Variants in ACOD1 observed in about 807,000 individuals in gnomAD.
ACOD1 encodes the protein aconitate decarboxylase 1, also known as cis-aconitate decarboxylase.
Under a neutral mutation model 14.2 loss-of-function variants are expected in ACOD1, and 14 were observed. The observed-to-expected ratio is 0.99, with a 90% CI of 0.65 to 1.54. The LOEUF (loss-of-function observed/expected upper bound fraction) is 1.54, where lower values mean the gene tolerates loss of function less well. Ranked by LOEUF, ACOD1 falls within the 40% of genes most tolerant of loss-of-function variation. ACOD1 has a pLI of 0.00. For synonymous variants in ACOD1, 182 were observed against 221.7 expected (o/e 0.82, Z 1.59); for missense variants, 530 against 586.3 (o/e 0.90, Z 0.99).
chr13:76,956,982 T>A, intron 4 of ACOD1, 28 bp from the exon 5 acceptor site: 1 of 1,527,816 alleles, frequency 6.5e-7, no homozygotes, highest in African/African-American at 1.4e-5. Flanking sequence ...GGTTTGTACA[T>A]CTCCAACTCT....
chr13:76,949,437 T>C (rs1387450004), intron 1 of ACOD1, among the ~76,000 whole-genome samples: 3 of 152,096 alleles, frequency 2.0e-5, no homozygotes, highest in Non-Finnish European at 2.9e-5. Context: ...TGAGCAGCTG[T>C]GTGTTTATTC....
intron 1 of ACOD1, among the ~76,000 whole-genome samples, chr13:76,949,158 T>G (rs542832142): frequency 3.9e-4 from 59 of 152,072 alleles, no homozygotes; most frequent in Admixed American, 1.7e-3. Flanking sequence ...TCCCAGCTAC[T>G]CGGGAGGCTG....
intron 1 of ACOD1, among the ~76,000 whole-genome samples, chr13:76,950,276 T>C (rs759649439): frequency 3.3e-5 from 5 of 152,166 alleles, no homozygotes; most frequent in Non-Finnish European, 7.3e-5. Flanking sequence ...ACAAATTAAG[T>C]TGTGCAATGA....
Position 76,957,865 on chromosome 13 carries a change from CA to C in ACOD1, c.1331del (p.Asn444IlefsTer2). ...CAGTGGAAAGCCTTATAAAGATAGT[CA>C]AAAATCTAGAAGACCTAGAAGACTG... ...DTVESLIKIV[K>X]NLEDLEDCSV... On this transcript the variant is annotated frameshift_variant, in exon 5 of 5. Transcript: ENST00000377462. LOFTEE classifies it low-confidence loss of function (END_TRUNC). The C allele has an allele frequency of 6.4e-7, 1 of 1,551,018 alleles. No individual in the cohort carries two copies. Among genetic ancestry groups the C allele is most frequent in the Non-Finnish European group, 8.7e-7 (1 of 1,147,090 alleles).
At chr13:76,954,258 A>G (rs1437573232) in intron 3 of ACOD1, among the ~76,000 whole-genome samples, 1 of 152,206 alleles carries the variant, frequency 6.6e-6, no homozygotes, top group Non-Finnish European at 1.5e-5. Flanking sequence ...TATTTTTATG[A>G]TTTATGGGTA....
intron 1 of ACOD1, among the ~76,000 whole-genome samples, chr13:76,951,397 G>A (rs915712731): frequency 4.3e-4 from 65 of 152,030 alleles, no homozygotes; most frequent in African/African-American, 1.4e-3. Flanking sequence ...CACCACACCC[G>A]GCTAATTTTT....
chr13:76,958,226 A>G lies in ACOD1; in HGVS notation c.*241A>G, dbSNP rs1207278769. 2 of 427,944 alleles carry G rather than the reference A, an allele frequency of 4.7e-6. No individual in the cohort carries two copies. Among genetic ancestry groups the G allele is most frequent in the Non-Finnish European group, 8.3e-6 (2 of 242,086 alleles). 26.5% of individuals were successfully genotyped at this position (427,944 alleles called of 1,614,324 possible). On this transcript the variant is annotated 3_prime_UTR_variant, in exon 5 of 5. Transcript: ENST00000377462. Reference sequence around the variant, plus strand: ...GTTTGTAAGCATTCACAAGGGTGAAATTCAACTCACCTGTGATTTACTTAT... The same window carrying G: ...GTTTGTAAGCATTCACAAGGGTGAAGTTCAACTCACCTGTGATTTACTTAT...
At chr13:76,951,964 C>T (rs911254841) in intron 1 of ACOD1, among the ~76,000 whole-genome samples, 1 of 152,170 alleles carries the variant, frequency 6.6e-6, no homozygotes, top group African/African-American at 2.4e-5. Context: ...GTTCAGATTC[C>T]ACCACCTAAA....
At chr13:76,949,031 C>T (rs936264232) in intron 1 of ACOD1, among the ~76,000 whole-genome samples, 30 of 152,026 alleles carry the variant, frequency 2.0e-4, no homozygotes, top group African/African-American at 7.2e-4. Flanking sequence ...TTTGGGAGGC[C>T]GAGGCGGATG....
At position 76,957,009 on chromosome 13, in the gene ACOD1, G is replaced by A; in HGVS notation, c.471-1G>A. On this transcript the variant is annotated splice_acceptor_variant, in intron 4 of 4. Coordinates refer to ENST00000377462, the MANE Select transcript of ACOD1 (RefSeq NM_001258406.2). LOFTEE classifies it high-confidence loss of function. ...TCCAACTCTGCTTCTTTGCTTTTCA[G>A]ATTCCATCCCCCTTCCGTGGTAGGA... 1 of 1,543,526 alleles carries A rather than the reference G, an allele frequency of 6.5e-7. No homozygotes were observed. The highest frequency in any genetic ancestry group is 8.7e-7 in the Non-Finnish European group (1 of 1,142,918).
rs2033897915 is a variant in ACOD1, at chr13:76,957,976, T to A, written c.1437T>A (p.Asn479Lys). 5 of 1,525,480 alleles carry A rather than the reference T, an allele frequency of 3.3e-6. No homozygotes were observed. Among genetic ancestry groups the A allele is most frequent in the Non-Finnish European group, 4.4e-6 (5 of 1,138,442 alleles). 94.5% of individuals were successfully genotyped at this position (1,525,480 alleles called of 1,614,324 possible). Residue 479 changes from asparagine to lysine, a missense_variant, in exon 5 of 5, where the codon AAT becomes AAA. Asn to Lys is a moderately conservative substitution (Grantham distance 94). Coordinates refer to ENST00000377462, the MANE Select transcript of ACOD1 (RefSeq NM_001258406.2). The stretch of plus-strand genomic sequence containing the variant: ...CAGCATGTAATAATTCTATCACAAA[T>A]CTCTCCTGAGGCTTACCAACATCTA... ...NSPACNNSIT[N>K]LS
intron 1 of ACOD1, among the ~76,000 whole-genome samples, chr13:76,949,135 C>T (rs888149521): frequency 9.2e-5 from 14 of 152,058 alleles, no homozygotes; most frequent in Admixed American, 1.3e-4. Flanking sequence ...GGCGTGGTGG[C>T]AGGCGCCCGT....
chr13:76,952,907 C>CACCCT (rs2033836362), intron 2 of ACOD1, among the ~76,000 whole-genome samples: 1 of 152,124 alleles, frequency 6.6e-6, no homozygotes, highest in Non-Finnish European at 1.5e-5. Context: ...CCAAGGTGGG[C>CACCCT]AGACGGTTTG....
At position 76,957,589 on chromosome 13, in the gene ACOD1, C is replaced by T. The variant is rs1333434246; in HGVS notation, c.1050C>T (p.Pro350=). ...AMLLDGGITV[P]SFHECQINRP... ...TGCTTGATGGTGGCATCACTGTCCC[C>T]TCATTCCATGAATGCCAGATCAACA... The change falls in exon 5 of 5, where the codon CCC becomes CCT. Residue 350 remains proline (P), a synonymous_variant. Coordinates refer to ENST00000377462, the MANE Select transcript of ACOD1 (RefSeq NM_001258406.2). The T allele has an allele frequency of 1.3e-6, 2 of 1,550,524 alleles. No homozygotes were observed. Among genetic ancestry groups the T allele is most frequent in the African/African-American group, 2.7e-5 (2 of 73,046 alleles).
In ACOD1 at chr13:76,957,582, C is replaced by A; in HGVS notation, c.1043C>A (p.Thr348Asn). ...GCCATGCTGCTTGATGGTGGCATCA[C>A]TGTCCCCTCATTCCATGAATGCCAG... Reference protein sequence around the residue: ...ACAMLLDGGITVPSFHECQIN... With the variant: ...ACAMLLDGGINVPSFHECQIN... The change falls in exon 5 of 5, where the codon ACT (threonine) becomes AAT (asparagine). Residue 348 changes from threonine (T) to asparagine (N), a missense_variant. Thr to Asn is a moderately conservative substitution (Grantham distance 65). Transcript: ENST00000377462. The A allele has an allele frequency of 6.4e-7, 1 of 1,550,672 alleles. No individual in the cohort carries two copies. The highest frequency in any genetic ancestry group is 1.2e-5 in the South Asian group (1 of 84,070).
chr13:76,952,648 A>G lies in ACOD1; in HGVS notation c.172A>G (p.Lys58Glu), dbSNP rs1413265096. The G allele has an allele frequency of 1.5e-5, 23 of 1,549,680 alleles. No individual in the cohort carries two copies. The Admixed American group carries it at 4.3e-4, about 29-fold the overall frequency. Reference sequence around the variant, plus strand: ...GTTTCACATAGCCAGCCAATATAGCAAGGTAAGAAGCTCAAGGTCTACATT... The same window carrying G: ...GTTTCACATAGCCAGCCAATATAGCGAGGTAAGAAGCTCAAGGTCTACATT... ...EVFHIASQYS[K>E]IYSSNISSTV... Residue 58 changes from lysine (K) to glutamate (E), a missense_variant and splice_region_variant, in exon 2 of 5, where the codon AAG becomes GAG. Lys to Glu is a moderately conservative substitution (Grantham distance 56). Transcript: ENST00000377462.
intron 1 of ACOD1, among the ~76,000 whole-genome samples, chr13:76,949,502 C>T (rs1229241300): frequency 6.6e-6 from 1 of 152,114 alleles, no homozygotes; most frequent in African/African-American, 2.4e-5. Context: ...CTTTGGCACA[C>T]AGGGTGCTGT....
intron 3 of ACOD1, 134 bp from the exon 4 acceptor site, chr13:76,955,185 T>C (rs1414692898): frequency 1.6e-6 from 1 of 626,166 alleles, no homozygotes; most frequent in African/African-American, 1.9e-5. Flanking sequence ...TCAGATTTTC[T>C]TTTCTGAGAA....
intron 1 of ACOD1, among the ~76,000 whole-genome samples, chr13:76,952,133 G>T (rs1171704156): frequency 6.6e-6 from 1 of 152,094 alleles, no homozygotes; most frequent in African/African-American, 2.4e-5. Flanking sequence ...CACTGCACCC[G>T]CAGAAATCTC....
Sources: gnomAD v4.1 joint callset for allele counts (sites outside exome capture counted in the v4.1 genomes callset) on GRCh38, gnomAD v4.1.1 for gene constraint, MANE v1.5 for transcripts, NCBI Gene and HGNC (gene_info 2026-07-23, HGNC 2026-07-21) for gene names.